The following WIPI2 variants were observed in gnomAD, a reference collection of about 807,000 sequenced individuals.
WIPI2 encodes the protein WD repeat domain phosphoinositide-interacting protein 2.
A neutral mutation model predicts 52.3 loss-of-function variants in WIPI2; 28 were observed. The ratio of observed to expected loss-of-function variants is 0.54; its 90% CI spans 0.40 to 0.73. WIPI2 has a LOEUF of 0.73. Among genes scored for constraint, WIPI2 ranks in the 30% least tolerant of loss-of-function variants. The pLI is 0.00. For missense variants in WIPI2, 506 were observed against 602.9 expected (o/e 0.84, Z 1.68); for synonymous variants, 268 against 245.0 (o/e 1.09, Z -0.88).
intron 2 of WIPI2, among the ~76,000 whole-genome samples, chr7:5,194,374 TGAA>T (rs944713760): frequency 4.6e-5 from 7 of 152,006 alleles, no homozygotes; most frequent in East Asian, 1.9e-4. Context: ...GCAAAGATGA[TGAA>T]GAAGGAGAGT....
In WIPI2 at chr7:5,229,645, G is replaced by A; in HGVS notation, c.1159G>A (p.Asp387Asn). The A allele has an allele frequency of 6.2e-7, 1 of 1,613,924 alleles. No individual in the cohort carries two copies. Among genetic ancestry groups the A allele is most frequent in the Non-Finnish European group, 8.5e-7 (1 of 1,179,940 alleles). ...TCTGGAAACGACCAATGAGATCTTG[G>A]ACTCTGCCTCTCACGACTGCCCCTT... ...GSLETTNEIL[D>N]SASHDCPLVT... The change falls in exon 12 of 13, where the codon GAC becomes AAC. Residue 387 changes from aspartate (D) to asparagine (N), a missense_variant. This residue lies in a region of WIPI2 where 194 missense variants were observed against 175.1 expected (regional missense o/e 1.11). Transcript: ENST00000288828.
intron 2 of WIPI2, among the ~76,000 whole-genome samples, chr7:5,195,626 A>G (rs1781712538): frequency 6.6e-6 from 1 of 152,230 alleles, no homozygotes; most frequent in South Asian, 2.1e-4. Context: ...TATGTCTGCC[A>G]TTTTATGGTC....
intron 8 of WIPI2, among the ~76,000 whole-genome samples, chr7:5,224,983 C>T (rs117458974): frequency 8.5e-4 from 130 of 152,298 alleles, no homozygotes; most frequent in Admixed American, 3.1e-3. Flanking sequence ...TCAACACTGA[C>T]TCCAGGAAAA....
rs767068740 is a variant in WIPI2 at position 5,214,515 on chromosome 7, A to G, written c.212-20A>G. ...GCCATGTGGAGATGTTCACGCATGT[A>G]CTTCCCTTTGTGATTTCAGCCGATA... On this transcript the variant is annotated intron_variant, in intron 3 of 12. Coordinates refer to ENST00000288828, the MANE Select transcript of WIPI2 (RefSeq NM_015610.4). 1.2e-6 allele frequency: 2 copies of G among 1,614,178 alleles called. No individual in the cohort carries two copies. Among genetic ancestry groups the G allele is most frequent in the Non-Finnish European group, 1.7e-6 (2 of 1,180,034 alleles).
chr7:5,214,408 C>T (rs1782708208), intron 3 of WIPI2, 127 bp from the exon 4 acceptor site: 25 of 1,608,822 alleles, frequency 1.6e-5, no homozygotes, highest in Non-Finnish European at 2.1e-5. Flanking sequence ...ACCACATGTT[C>T]CGCAGGCACC....
intron 2 of WIPI2, among the ~76,000 whole-genome samples, chr7:5,195,963 G>A (rs1458422964): frequency 7.2e-5 from 11 of 151,836 alleles, no homozygotes; most frequent in Admixed American, 5.9e-4. Context: ...CACTTGAACC[G>A]GGAGGCTGAG....
rs966034074 is a variant in WIPI2, at chr7:5,199,507, G to A, written c.129-69G>A. 37 of 1,404,714 alleles carry A rather than the reference G, an allele frequency of 2.6e-5. No homozygotes were observed. In the Admixed American group the frequency reaches 3.6e-4, roughly 14 times the overall value. 87.0% of individuals were successfully genotyped at this position (1,404,714 alleles called of 1,614,324 possible). The stretch of plus-strand genomic sequence containing the variant: ...TTGCTGGGAACTCGCTGGGAACGTG[G>A]GAGCTGGTTTCTACATTGTCACTGT... On this transcript the variant is annotated intron_variant, in intron 2 of 12. Coordinates refer to ENST00000288828, the MANE Select transcript of WIPI2 (RefSeq NM_015610.4).
chr7:5,190,268 GC>G lies in WIPI2; in HGVS notation c.-151del. On this transcript the variant is annotated 5_prime_UTR_variant, in exon 1 of 13. Coordinates refer to ENST00000288828, the MANE Select transcript of WIPI2 (RefSeq NM_015610.4). ...CCCCGGCTCTGGAGCATAAACAAGA[GC>G]GGGGACGGGATGAGGCGGCGGTTGA... 1 of 379,832 alleles carries G rather than the reference GC, an allele frequency of 2.6e-6. No homozygotes were observed. The highest frequency in any genetic ancestry group is 4.3e-6 in the Non-Finnish European group (1 of 234,116). The allele number at this position is 379,832 out of a possible 1,614,324, so 23.5% of individuals were successfully genotyped here. A position where few individuals can be genotyped will look rare whatever the true frequency, so the allele number is the denominator to read the frequency against.
At chr7:5,216,810 T>G in intron 5 of WIPI2, 151 bp downstream of exon 5, 1 of 767,584 alleles carries the variant, frequency 1.3e-6, no homozygotes, top group South Asian at 1.8e-5. Context: ...TTCCTACTGA[T>G]GCTGGTCATG....
rs1782717556 is a variant in WIPI2, at chr7:5,214,575, C to T, written c.252C>T (p.Ser84=). 6.2e-7 allele frequency: 1 copy of T among 1,614,252 alleles called. No individual in the cohort carries two copies. The highest frequency in any genetic ancestry group is 2.2e-5 in the East Asian group (1 of 44,888). The change falls in exon 4 of 13, where the codon TCC becomes TCT. Residue 84 remains serine, a synonymous_variant. Transcript: ENST00000288828. ...EDVCIVERLF[S]SSLVAIVSLK... Reference sequence around the variant, plus strand: ...TGTGCATTGTAGAGAGATTGTTCTCCAGCAGCCTAGTGGCCATCGTCAGCC... The same window carrying T: ...TGTGCATTGTAGAGAGATTGTTCTCTAGCAGCCTAGTGGCCATCGTCAGCC...
chr7:5,220,171 T>C (rs1783039217), intron 7 of WIPI2, among the ~76,000 whole-genome samples: 1 of 151,904 alleles, frequency 6.6e-6, no homozygotes, highest in African/African-American at 2.4e-5. Context: ...TACTATCCCA[T>C]TGTATGAGTT....
chr7:5,217,118 C>T lies in WIPI2; in HGVS notation c.507C>T (p.Asp169=). 6 of 1,613,752 alleles carry T rather than the reference C, an allele frequency of 3.7e-6. No homozygotes were observed. The highest frequency in any genetic ancestry group is 5.1e-6 in the Non-Finnish European group (6 of 1,179,642). The change falls in exon 6 of 13, where the codon GAC becomes GAT. Residue 169 remains aspartate (D), a synonymous_variant. Coordinates refer to ENST00000288828, the MANE Select transcript of WIPI2 (RefSeq NM_015610.4). The stretch of plus-strand genomic sequence containing the variant: ...TGTGTGCGCTGTCAATCAACAACGA[C>T]AACTGCTACTTGGCGTACCCAGGGA... ...AGLCALSINN[D]NCYLAYPGSA... is the part of the protein sequence containing the mutation.
At chr7:5,229,929 CTTT>C (rs548650698) in intron 12 of WIPI2, among the ~76,000 whole-genome samples, 191 bp downstream of exon 12, 25 of 137,870 alleles carry the variant, frequency 1.8e-4, no homozygotes, top group Admixed American at 2.2e-4. Context: ...GTTTCGTTTC[CTTT>C]TTTTTTTTTT....
chr7:5,191,449 C>A (rs1430307240), intron 1 of WIPI2, among the ~76,000 whole-genome samples: 2 of 152,206 alleles, frequency 1.3e-5, no homozygotes, highest in Admixed American at 1.3e-4. Flanking sequence ...ACCAGTGCCC[C>A]AGGAGTCTCA....
rs1167229810 is a variant in WIPI2 at position 5,230,304 on chromosome 7, A to G, written c.1253-531A>G. 3.3e-5 allele frequency among the ~76,000 whole-genome samples: 5 copies of G among 152,062 alleles called. No individual in the cohort carries two copies. Among genetic ancestry groups the G allele is most frequent in the African/African-American group, 4.8e-5 (2 of 41,344 alleles). Reference sequence around the variant, plus strand: ...CAGAAGCTGTAGGGGAATGAGGCCAATGGGCTCCCCTCCGGCGGCAGCACT... The same window carrying G: ...CAGAAGCTGTAGGGGAATGAGGCCAGTGGGCTCCCCTCCGGCGGCAGCACT... On this transcript the variant is annotated intron_variant, in intron 12 of 12. Transcript: ENST00000288828. This position sits in a 1 kb window ranked among gnomAD's most constrained non-coding sequence, Gnocchi z 4.8.
chr7:5,227,704 C>A lies in WIPI2; in HGVS notation c.1013+360C>A, dbSNP rs1371827118. ...CCAGGGTCTGGCCTCAGAACACACA[C>A]AGGGCCTGTGGAGGTTCTGTGCTGC... On this transcript the variant is annotated intron_variant, in intron 10 of 12. Coordinates refer to ENST00000288828, the MANE Select transcript of WIPI2 (RefSeq NM_015610.4). The surrounding 1 kb of genome is among the most constrained non-coding windows in gnomAD (Gnocchi z 8.1). 6.6e-6 allele frequency among the ~76,000 whole-genome samples: 1 copy of A among 152,236 alleles called. No homozygotes were observed. The highest frequency in any genetic ancestry group is 1.5e-5 in the Non-Finnish European group (1 of 68,046).
chr7:5,213,430 A>C (rs1327751504), intron 3 of WIPI2: 1 of 152,636 alleles, frequency 6.6e-6, no homozygotes, highest in African/African-American at 2.4e-5. Flanking sequence ...CGCGGGTGCG[A>C]GGGTGGTCCT....
In WIPI2 at chr7:5,232,206, A is replaced by C. The variant is rs1328529161; in HGVS notation, c.*1259A>C. The C allele has an allele frequency of 2.5e-6, 1 of 398,606 alleles. No homozygotes were observed. The highest frequency in any genetic ancestry group is 2.1e-5 in the African/African-American group (1 of 48,626). The allele number at this position is 398,606 out of a possible 1,614,324, so 24.7% of individuals were successfully genotyped here. ...GTTACGGATAGAAGGGAAAAGGCAA[A>C]AACTATTTACCCTGCCTTTGCAGGC... On this transcript the variant is annotated 3_prime_UTR_variant, in exon 13 of 13. Coordinates refer to ENST00000288828, the MANE Select transcript of WIPI2 (RefSeq NM_015610.4).
intron 2 of WIPI2, among the ~76,000 whole-genome samples, chr7:5,197,111 CAAAAAACAAAAAAAAAAA>C (rs1238217984): frequency 9.7e-4 from 55 of 56,432 alleles, no homozygotes; most frequent in African/African-American, 4.2e-3. Context: ...GACTCCGTCT[CAAAAAACAAAAAAAAAAA>C]AAAAAAAAAA....
Sources: allele counts gnomAD v4.1 joint callset (sites outside exome capture counted in the v4.1 genomes callset), GRCh38; gene constraint gnomAD v4.1.1; regional missense constraint gnomAD v4.1.1; non-coding constraint Gnocchi (gnomAD v3.1); transcripts MANE v1.5; gene names NCBI Gene and HGNC (gene_info 2026-07-23, HGNC 2026-07-21).